MTA3: variants seen among roughly 807,000 people sequenced by gnomAD.
MTA3 encodes the protein metastasis-associated protein MTA3.
Under a neutral mutation model 83.5 loss-of-function variants are expected in MTA3, and 34 were observed. The ratio of observed to expected loss-of-function variants is 0.41; its 90% CI spans 0.31 to 0.54. The LOEUF is 0.54. Among genes scored for constraint, MTA3 ranks in the 20% least tolerant of loss-of-function variants. The probability of loss-of-function intolerance (pLI) is 0.33; values close to 1 mark genes in which losing one functional copy is unlikely to be tolerated. For synonymous variants in MTA3, 303 were observed against 252.7 expected (o/e 1.20, Z -1.89); for missense variants, 761 against 726.4 (o/e 1.05, Z -0.55).
chr2:42,729,147 G>A (rs1166773732), intron 16 of MTA3, among the ~76,000 whole-genome samples: 1 of 127,930 alleles, frequency 7.8e-6, no homozygotes, highest in African/African-American at 2.9e-5. Flanking sequence ...AGGCTGGAGT[G>A]CAGTGGCACA....
At chr2:42,592,109 T>A (rs1038866277) in intron 3 of MTA3, among the ~76,000 whole-genome samples, 2 of 151,784 alleles carry the variant, frequency 1.3e-5, no homozygotes, top group African/African-American at 2.4e-5. Flanking sequence ...ACAAAAAATA[T>A]AAAAATTAGC....
At chr2:42,659,544 CATG>C (rs1689474809) in intron 7 of MTA3, 1 of 224,102 alleles carries the variant, frequency 4.5e-6, no homozygotes, top group East Asian at 8.6e-5. Flanking sequence ...TTCTTGATTT[CATG>C]ATAACGACCT....
chr2:42,512,942 A>C (rs1344921278), intron 2 of MTA3, among the ~76,000 whole-genome samples: 1 of 152,186 alleles, frequency 6.6e-6, no homozygotes, highest in African/African-American at 2.4e-5. Context: ...CAGGACCCTT[A>C]AGAAAACTCC....
At chr2:42,639,784 C>T (rs1226849529) in intron 4 of MTA3, among the ~76,000 whole-genome samples, 2 of 152,128 alleles carry the variant, frequency 1.3e-5, no homozygotes, top group African/African-American at 2.4e-5. Context: ...GTGGTGGTGT[C>T]TTTGTCTGAA....
At position 42,753,520 on chromosome 2, in the gene MTA3, C is replaced by A. The variant is rs1670035903; in HGVS notation, c.*121C>A. ...CATTTCAGTGGGAGACCTCTGCGTG[C>A]ATCCATGGAGACGCAATGGGGCGGG... On this transcript the variant is annotated 3_prime_UTR_variant, in exon 17 of 17. Transcript: ENST00000405094. 4 of 1,514,632 alleles carry A rather than the reference C, an allele frequency of 2.6e-6. No individual in the cohort carries two copies. The highest frequency in any genetic ancestry group is 3.5e-6 in the Non-Finnish European group (4 of 1,127,498). The allele number at this position is 1,514,632 out of a possible 1,614,324, so 93.8% of individuals were successfully genotyped here.
intron 3 of MTA3, among the ~76,000 whole-genome samples, chr2:42,593,951 GTTTTTTTT>G (rs60176061): frequency 0.021 from 2,979 of 140,358 alleles, 129 homozygotes; most frequent in African/African-American, 0.074. Flanking sequence ...ATAGGATTAA[GTTTTTTTT>G]TTTTTTTTTT....
chr2:42,665,042 A>G (rs1251697839), intron 8 of MTA3, among the ~76,000 whole-genome samples: 2 of 152,212 alleles, frequency 1.3e-5, no homozygotes, highest in African/African-American at 2.4e-5. Context: ...CATTGAAGCC[A>G]TGGGGGCTTT....
At chr2:42,535,395 C>T (rs928519322) in intron 2 of MTA3, among the ~76,000 whole-genome samples, 2 of 151,532 alleles carry the variant, frequency 1.3e-5, no homozygotes, top group African/African-American at 4.8e-5. Context: ...AAAAAAAAAA[C>T]AGACAAACTT....
In MTA3 at chr2:42,534,294, A is replaced by C. The variant is rs112963088; in HGVS notation, c.-140-36143A>C. Among the ~76,000 whole-genome samples, 650 of 152,306 alleles carry C rather than the reference A, an allele frequency of 4.3e-3. 10 individuals are homozygous for C. Among genetic ancestry groups the C allele is most frequent in the African/African-American group, 0.015 (618 of 41,586 alleles). Reference sequence around the variant, plus strand: ...ACCCTAGGTTGTTTGATGGAAGATTAGCTTTAATTGTATAAAATGAGGCTG... The same window carrying C: ...ACCCTAGGTTGTTTGATGGAAGATTCGCTTTAATTGTATAAAATGAGGCTG... On this transcript the variant is annotated intron_variant, in intron 2 of 17. Transcript: ENST00000405592.
intron 12 of MTA3, among the ~76,000 whole-genome samples, chr2:42,705,756 GTA>G (rs1666028854): frequency 6.6e-6 from 1 of 151,596 alleles, no homozygotes; most frequent in Non-Finnish European, 1.5e-5. Context: ...TCACACTCAC[GTA>G]TATCCCCTTA....
At chr2:42,672,645 C>CAAAAA (rs5830734) in intron 8 of MTA3, among the ~76,000 whole-genome samples, 1 of 51,548 alleles carries the variant, frequency 1.9e-5, no homozygotes, top group Non-Finnish European at 3.1e-5. Context: ...ATTCCATCTC[C>CAAAAA]AAAAAAAAAA....
intron 3 of MTA3, among the ~76,000 whole-genome samples, chr2:42,606,777 C>T (rs1421839139): frequency 6.6e-6 from 1 of 151,558 alleles, no homozygotes; most frequent in Non-Finnish European, 1.5e-5. Flanking sequence ...CACTGCACCC[C>T]AGCCTGGGCA....
intron 2 of MTA3, among the ~76,000 whole-genome samples, chr2:42,536,858 CAAAAAAAAAA>C (rs71410118): frequency 1.2e-5 from 1 of 84,322 alleles, no homozygotes; most frequent in Non-Finnish European, 2.2e-5. Flanking sequence ...GACCCCATCT[CAAAAAAAAAA>C]AAAAAAAAAG....
intron 4 of MTA3, among the ~76,000 whole-genome samples, chr2:42,628,769 AC>A (rs67981436): frequency 0.72 from 98,659 of 137,296 alleles, 34,721 homozygotes; most frequent in South Asian, 0.86. Context: ...AAACATTTCC[AC>A]CCTTTTTTTT....
intron 3 of MTA3, among the ~76,000 whole-genome samples, chr2:42,598,957 A>T (rs1682197774): frequency 6.6e-6 from 1 of 152,204 alleles, no homozygotes; most frequent in Admixed American, 6.6e-5. Flanking sequence ...CCTTCCAGCC[A>T]GGAAGTTGGA....
At chr2:42,609,431 T>C (rs1683909807) in intron 3 of MTA3, 27 bp from the exon 4 acceptor site, 1 of 1,609,328 alleles carries the variant, frequency 6.2e-7, no homozygotes, top group Non-Finnish European at 8.5e-7. Context: ...TTTGTACTAA[T>C]AAATTCTTTG....
chr2:42,719,533 T>A (rs1209863667), intron 15 of MTA3, among the ~76,000 whole-genome samples: 1 of 152,210 alleles, frequency 6.6e-6, no homozygotes, highest in African/African-American at 2.4e-5. Flanking sequence ...TAGGTTTTAA[T>A]TTTTTATTTT....
upstream of MTA3, among the ~76,000 whole-genome samples, chr2:42,563,980 C>T (rs13002408): frequency 0.32 from 48,150 of 151,864 alleles, 7,824 homozygotes; most frequent in South Asian, 0.41. Context: ...TGTGCCACCA[C>T]GCCCAGTTAA....
rs183835583 is a variant in MTA3 at position 42,587,417 on chromosome 2, C to T, written c.190+8217C>T. On this transcript the variant is annotated intron_variant, in intron 3 of 16. Coordinates refer to ENST00000405094, the MANE Select transcript of MTA3 (RefSeq NM_001330442.2). Reference sequence around the variant, plus strand: ...GGACCCCCCAAAACCCAGTTCTCCCCGACAAGTCATTATTATTACTAGCTT... The same window carrying T: ...GGACCCCCCAAAACCCAGTTCTCCCTGACAAGTCATTATTATTACTAGCTT... 7.4e-4 allele frequency among the ~76,000 whole-genome samples: 112 copies of T among 152,186 alleles called. 1 individual carries two copies. The highest frequency in any genetic ancestry group is 2.5e-3 in the African/African-American group (105 of 41,522).
Sources: gnomAD v4.1 joint callset for allele counts (sites outside exome capture counted in the v4.1 genomes callset) on GRCh38, gnomAD v4.1.1 for gene constraint, MANE v1.5 for transcripts, NCBI Gene and HGNC (gene_info 2026-07-23, HGNC 2026-07-21) for gene names.